The following THSD7A variants were observed in gnomAD, a reference collection of about 807,000 sequenced individuals.
The protein encoded by THSD7A is thrombospondin type-1 domain-containing protein 7A.
THSD7A carries 96 observed loss-of-function variants against 231.3 expected under a neutral mutation model. The observed-to-expected ratio is 0.41, with a 90% CI of 0.35 to 0.49. THSD7A has a LOEUF of 0.49. THSD7A is among the 20% of genes least tolerant of loss of function. The probability of loss-of-function intolerance (pLI) is 0.05; values close to 1 mark genes in which losing one functional copy is unlikely to be tolerated. For synonymous variants in THSD7A, 940 were observed against 743.3 expected, an observed-to-expected ratio of 1.26 and a Z score of -4.30; for missense variants, 2,290 against 2,070.2, an observed-to-expected ratio of 1.11 and a Z score of -2.06.
At chr7:11,433,233 G>A (rs894143801) in intron 13 of THSD7A, among the ~76,000 whole-genome samples, 7 of 151,924 alleles carry the variant, frequency 4.6e-5, no homozygotes, top group African/African-American at 1.7e-4. Context: ...ATTATGCTTT[G>A]GGGTGGAGAA....
At chr7:11,573,529 G>T (rs1445722418) in intron 4 of THSD7A, among the ~76,000 whole-genome samples, 1 of 152,180 alleles carries the variant, frequency 6.6e-6, no homozygotes, top group Non-Finnish European at 1.5e-5. Flanking sequence ...TGTAATCACG[G>T]TCTTCTGGCT....
chr7:11,441,341 T>C (rs943522167), intron 13 of THSD7A, among the ~76,000 whole-genome samples: 21 of 152,082 alleles, frequency 1.4e-4, no homozygotes, highest in African/African-American at 4.8e-4. Context: ...TGGATCAAGC[T>C]GAGGGGTGGC....
intron 11 of THSD7A, among the ~76,000 whole-genome samples, chr7:11,449,004 C>T (rs375691735): frequency 6.6e-6 from 1 of 152,024 alleles, no homozygotes; most frequent in Non-Finnish European, 1.5e-5. Flanking sequence ...AGAGAATCTA[C>T]CCCCTTGAGG....
chr7:11,541,509 C>T lies in THSD7A; in HGVS notation c.1732G>A (p.Ala578Thr), dbSNP rs187714476. Residue 578 changes from alanine to threonine, a missense_variant, in exon 6 of 28, where the codon GCA becomes ACA. By Grantham distance (58) the Ala-to-Thr change is moderately conservative. Transcript: ENST00000423059. ...CEEPACYDWKAVRLGNCEPDN... is the reference protein window; with the variant it reads ...CEEPACYDWKTVRLGNCEPDN... ...GGCTCGCAGTTTCCCAGTCTCACTG[C>T]TTTCCAGTCATAACAGGCAGGCTCT... 66 of 1,613,938 alleles carry T rather than the reference C, an allele frequency of 4.1e-5. No individual in the cohort carries two copies. Among genetic ancestry groups the T allele is most frequent in the Non-Finnish European group, 5.3e-5 (62 of 1,179,864 alleles).
At chr7:11,811,410 C>T (rs1784525156) in intron 1 of THSD7A, among the ~76,000 whole-genome samples, 1 of 152,060 alleles carries the variant, frequency 6.6e-6, no homozygotes, top group Non-Finnish European at 1.5e-5. Flanking sequence ...CCTCAAGAGA[C>T]TTTTTTACAT....
chr7:11,780,518 C>T (rs775030475), intron 1 of THSD7A, among the ~76,000 whole-genome samples: 4 of 152,016 alleles, frequency 2.6e-5, no homozygotes, highest in Non-Finnish European at 5.9e-5. Context: ...GGTCTTCAGC[C>T]GACAGCCAGC....
At chr7:11,504,974 T>C (rs766543626) in intron 6 of THSD7A, among the ~76,000 whole-genome samples, 11 of 152,262 alleles carry the variant, frequency 7.2e-5, no homozygotes, top group East Asian at 1.9e-4. Context: ...GTATGTAATA[T>C]CTTTGTTGTA....
In THSD7A at chr7:11,641,903, A is replaced by C. The variant is rs1036134198; in HGVS notation, c.191-4942T>G. Among the ~76,000 whole-genome samples the C allele has an allele frequency of 3.3e-5, 5 of 152,198 alleles. No homozygotes were observed. The East Asian group carries it at 9.7e-4, about 29-fold the overall frequency. On this transcript the variant is annotated intron_variant, in intron 1 of 27. Transcript: ENST00000423059. ...AAAGATCAGATCTTCCCCACAGTAC[A>C]CACGATGAAGGGCTGTCTACTTCTT...
chr7:11,516,671 T>A (rs529177440), intron 6 of THSD7A, among the ~76,000 whole-genome samples: 1 of 152,324 alleles, frequency 6.6e-6, no homozygotes, highest in African/African-American at 2.4e-5. Context: ...TTGCTAACAA[T>A]ATAAATCTCC....
At chr7:11,541,906 C>T (rs1789165902) in intron 5 of THSD7A, among the ~76,000 whole-genome samples, 1 of 149,976 alleles carries the variant, frequency 6.7e-6, no homozygotes, top group Non-Finnish European at 1.5e-5. Flanking sequence ...ATATAGTACC[C>T]ATCTCCCTTG....
At chr7:11,621,787 G>T (rs947425639) in intron 2 of THSD7A, among the ~76,000 whole-genome samples, 5 of 152,114 alleles carry the variant, frequency 3.3e-5, no homozygotes, top group Non-Finnish European at 7.4e-5. Context: ...ATGGAAACCA[G>T]TGATGCAGTA....
At chr7:11,699,381 T>C (rs1048978533) in intron 1 of THSD7A, among the ~76,000 whole-genome samples, 50 of 151,310 alleles carry the variant, frequency 3.3e-4, no homozygotes, top group African/African-American at 1.2e-3. Context: ...AAAATCTTAC[T>C]AGAAAATGCC....
chr7:11,674,689 G>A (rs541825805), intron 1 of THSD7A, among the ~76,000 whole-genome samples: 8 of 152,146 alleles, frequency 5.3e-5, no homozygotes, highest in Admixed American at 3.9e-4. Context: ...AAATCAAAAA[G>A]CAAGAAGCAT....
chr7:11,587,314 C>A (rs1380620956), intron 4 of THSD7A, among the ~76,000 whole-genome samples: 1 of 152,112 alleles, frequency 6.6e-6, no homozygotes, highest in Non-Finnish European at 1.5e-5. Flanking sequence ...TGAACAAAAA[C>A]TGTCAAGGGT....
At position 11,502,455 on chromosome 7, in the gene THSD7A, T is replaced by A. The variant is rs571178081; in HGVS notation, c.1823-20473A>T. On this transcript the variant is annotated intron_variant, in intron 6 of 27. Transcript: ENST00000423059. ...AATCACCATTATCAAGTAGGCTTCA[T>A]CCCCAGGATACAAGACTGGTTCAAC... Among the ~76,000 whole-genome samples the A allele has an allele frequency of 1.8e-4, 28 of 152,252 alleles. No individual in the cohort carries two copies. In the South Asian group the frequency reaches 5.6e-3, roughly 30 times the overall value.
chr7:11,411,111 A>C lies in THSD7A; in HGVS notation c.3798+96T>G. On this transcript the variant is annotated intron_variant, in intron 19 of 27. Coordinates refer to ENST00000423059, the MANE Select transcript of THSD7A (RefSeq NM_015204.3). The surrounding 1 kb of genome is among the most constrained non-coding windows in gnomAD (Gnocchi z 4.1). ...ACAGTGCAGAAAAACATCTGCTGGCAATGAGCTGCATGGAGCACGGGTCAC... is the reference window on the plus strand; with the variant it reads ...ACAGTGCAGAAAAACATCTGCTGGCCATGAGCTGCATGGAGCACGGGTCAC... 1 of 824,760 alleles carries C rather than the reference A, an allele frequency of 1.2e-6. No homozygotes were observed. Among genetic ancestry groups the C allele is most frequent in the Non-Finnish European group, 2.0e-6 (1 of 509,084 alleles). The allele number at this position is 824,760 out of a possible 1,614,324, so 51.1% of individuals were successfully genotyped here. A position where few individuals can be genotyped will look rare whatever the true frequency, so the allele number is the denominator to read the frequency against.
At chr7:11,583,072 A>G (rs1791236742) in intron 4 of THSD7A, among the ~76,000 whole-genome samples, 2 of 150,968 alleles carry the variant, frequency 1.3e-5, no homozygotes, top group East Asian at 2.0e-4. Context: ...TTATTTCCTT[A>G]TTTTTTTTGT....
intron 2 of THSD7A, among the ~76,000 whole-genome samples, chr7:11,594,528 T>C (rs1383775980): frequency 6.6e-6 from 1 of 152,166 alleles, no homozygotes; most frequent in Non-Finnish European, 1.5e-5. Context: ...GCAAAATAAA[T>C]GCATTTGACG....
intron 1 of THSD7A, among the ~76,000 whole-genome samples, chr7:11,764,136 T>C (rs1260631208): frequency 9.9e-5 from 15 of 152,182 alleles, no homozygotes; most frequent in Non-Finnish European, 2.1e-4. Flanking sequence ...AGCCCAATTA[T>C]TCAATCCTAC....
Sources: allele counts gnomAD v4.1 joint callset (sites outside exome capture counted in the v4.1 genomes callset), GRCh38; gene constraint gnomAD v4.1.1; non-coding constraint Gnocchi (gnomAD v3.1); transcripts MANE v1.5; gene names NCBI Gene and HGNC (gene_info 2026-07-23, HGNC 2026-07-21).